The following SLC22A15 variants were observed in gnomAD, a reference collection of about 807,000 sequenced individuals.
SLC22A15 encodes flipt 1.
Under a neutral mutation model 62.7 loss-of-function variants are expected in SLC22A15, and 45 were observed. The observed-to-expected ratio is 0.72, with a 90% CI of 0.56 to 0.92. The LOEUF (loss-of-function observed/expected upper bound fraction) is 0.92. Ranked by LOEUF, SLC22A15 falls within the 40% of genes least tolerant of loss-of-function variation. The pLI is 0.00. For synonymous variants in SLC22A15, 264 were observed against 267.0 expected, an observed-to-expected ratio of 0.99 and a Z score of 0.11; for missense variants, 622 against 665.6, an observed-to-expected ratio of 0.93 and a Z score of 0.72.
chr1:116,034,347 T>C (rs981727758), intron 6 of SLC22A15, among the ~76,000 whole-genome samples: 1 of 152,192 alleles, frequency 6.6e-6, no homozygotes, highest in Admixed American at 6.5e-5. Context: ...ACTACCACCA[T>C]TACTGTGTTT....
chr1:116,026,959 G>A lies in SLC22A15; in HGVS notation c.665G>A (p.Arg222His), dbSNP rs975278467. ...TATGCCCTGTTAGGATACTTCATCCGCTCCTGGAGGACCCTAGCCATTCTG... is the reference window on the plus strand; with the variant it reads ...TATGCCCTGTTAGGATACTTCATCCACTCCTGGAGGACCCTAGCCATTCTG... The part of the protein sequence containing the change: ...AQYALLGYFI[R>H]SWRTLAILVN... Residue 222 changes from arginine to histidine, a missense_variant, in exon 5 of 12, where the codon CGC (arginine) becomes CAC (histidine). Transcript: ENST00000369503. 1.7e-5 allele frequency: 27 copies of A among 1,613,518 alleles called. No individual in the cohort carries two copies. The highest frequency in any genetic ancestry group is 1.5e-4 in the African/African-American group (11 of 74,904).
intron 1 of SLC22A15, among the ~76,000 whole-genome samples, chr1:115,983,565 G>C: frequency 6.6e-6 from 1 of 152,182 alleles, no homozygotes; most frequent in East Asian, 1.9e-4. Context: ...CTGTAAGGCT[G>C]TTGTCTTCGT....
chr1:116,066,899 A>C, intron 11 of SLC22A15, 120 bp from the exon 12 acceptor site: 1 of 965,188 alleles, frequency 1.0e-6, no homozygotes, highest in Non-Finnish European at 1.6e-6. Flanking sequence ...TTTAGGGGCT[A>C]TTTCTTGGGG....
Position 115,976,675 on chromosome 1 carries a change from C to T in SLC22A15, c.48C>T (p.Tyr16=). The T allele has an allele frequency of 6.3e-7, 1 of 1,587,708 alleles. No individual in the cohort carries two copies. Among genetic ancestry groups the T allele is most frequent in the South Asian group, 1.1e-5 (1 of 88,954 alleles). Residue 16 remains tyrosine, a synonymous_variant, in exon 1 of 12, where the codon TAC becomes TAT. Coordinates refer to ENST00000369503, the MANE Select transcript of SLC22A15 (RefSeq NM_018420.3). ...AGGCGGTGGGGGAGATGGGCATCTACCAGATGTACTTGTGCTTCCTGCTGG... is the reference window on the plus strand; with the variant it reads ...AGGCGGTGGGGGAGATGGGCATCTATCAGATGTACTTGTGCTTCCTGCTGG... ...AFQAVGEMGI[Y]QMYLCFLLAV...
intron 2 of SLC22A15, among the ~76,000 whole-genome samples, chr1:115,999,151 T>C (rs1470392088): frequency 6.6e-6 from 1 of 152,240 alleles, no homozygotes; most frequent in Non-Finnish European, 1.5e-5. Context: ...TTTGAAATGA[T>C]TTTAATATTT....
rs1334109777 is a variant in SLC22A15 at position 116,069,711 on chromosome 1, G to C, written c.*2603G>C. 6.6e-6 allele frequency: 1 copy of C among 152,110 alleles called. No homozygotes were observed. Among genetic ancestry groups the C allele is most frequent in the Non-Finnish European group, 1.5e-5 (1 of 68,000 alleles). 9.4% of individuals were successfully genotyped at this position (152,110 alleles called of 1,614,324 possible). On this transcript the variant is annotated 3_prime_UTR_variant, in exon 12 of 12. Transcript: ENST00000369503. Reference sequence around the variant, plus strand: ...TTTCAAGCAATGCAGATATTCTTTAGTATTTAAAAATGAGCAAATAAACAA... The same window carrying C: ...TTTCAAGCAATGCAGATATTCTTTACTATTTAAAAATGAGCAAATAAACAA...
At chr1:116,030,105 G>T (rs1426591494) in intron 5 of SLC22A15, among the ~76,000 whole-genome samples, 2 of 152,166 alleles carry the variant, frequency 1.3e-5, no homozygotes, top group African/African-American at 2.4e-5. Flanking sequence ...GTAAATGGAA[G>T]GATTTTTCAG....
At chr1:115,999,540 G>C (rs12135964) in intron 2 of SLC22A15, among the ~76,000 whole-genome samples, 4 of 143,004 alleles carry the variant, frequency 2.8e-5, no homozygotes, top group Non-Finnish European at 6.0e-5. Flanking sequence ...GTCTTGCTCT[G>C]TCACCCAGGC....
intron 6 of SLC22A15, 77 bp downstream of exon 6, chr1:116,031,658 C>A: frequency 6.3e-7 from 1 of 1,579,410 alleles, no homozygotes; most frequent in South Asian, 1.2e-5. Flanking sequence ...GCTCCTTCTT[C>A]AGGGTACAGG....
chr1:115,989,796 G>T (rs1395276120), intron 1 of SLC22A15, among the ~76,000 whole-genome samples: 2 of 141,308 alleles, frequency 1.4e-5, no homozygotes, highest in African/African-American at 2.6e-5. Flanking sequence ...AAAAAAAAAT[G>T]ATATGTTAAC....
chr1:115,976,547 C>A lies in SLC22A15; in HGVS notation c.-81C>A. 1 of 1,021,122 alleles carries A rather than the reference C, an allele frequency of 9.8e-7. No individual in the cohort carries two copies. The highest frequency in any genetic ancestry group is 1.4e-6 in the Non-Finnish European group (1 of 728,356). 63.3% of individuals were successfully genotyped at this position (1,021,122 alleles called of 1,614,324 possible). A position where few individuals can be genotyped will look rare whatever the true frequency, so the allele number is the denominator to read the frequency against. On this transcript the variant is annotated 5_prime_UTR_variant, in exon 1 of 12. Transcript: ENST00000369503. ...CCGGCGGGTCCAAGCCGGTGCCGGG[C>A]GCCCAGGGGTTGCCGCGCTGGGCGG...
intron 1 of SLC22A15, among the ~76,000 whole-genome samples, chr1:115,985,329 A>G (rs1461283607): frequency 6.6e-6 from 1 of 152,200 alleles, no homozygotes; most frequent in Non-Finnish European, 1.5e-5. Flanking sequence ...AGGCTATGCC[A>G]TATAGCCTAG....
intron 8 of SLC22A15, among the ~76,000 whole-genome samples, chr1:116,057,933 G>A (rs1200933573): frequency 1.3e-5 from 2 of 152,064 alleles, no homozygotes; most frequent in Non-Finnish European, 2.9e-5. Flanking sequence ...GAGAAGGATA[G>A]CATTAGGAGA....
chr1:116,026,766 T>TTC, intron 4 of SLC22A15, 127 bp from the exon 5 acceptor site: 1 of 1,064,140 alleles, frequency 9.4e-7, no homozygotes, highest in Non-Finnish European at 1.3e-6. Flanking sequence ...TTTTCTGGTG[T>TTC]GCCTCTTATA....
rs1045801106 is a variant in SLC22A15, at chr1:116,048,109, AT to A, written c.1171+10723del. ...TGTTAAATGACCAAACCAAAGAATA[AT>A]TGGTGTTCCTGAGGAAGAAGAGAAA... On this transcript the variant is annotated intron_variant, in intron 8 of 11. Transcript: ENST00000369503. Among the ~76,000 whole-genome samples, 15 of 152,174 alleles carry A rather than the reference AT, an allele frequency of 9.9e-5. 1 individual carries two copies. Among genetic ancestry groups the A allele is most frequent in the Admixed American group, 2.0e-4 (3 of 15,278 alleles).
intron 2 of SLC22A15, among the ~76,000 whole-genome samples, 190 bp from the exon 3 acceptor site, chr1:116,019,392 A>T (rs898724951): frequency 1.1e-4 from 16 of 152,252 alleles, no homozygotes; most frequent in African/African-American, 3.6e-4. Flanking sequence ...TCATAATAAT[A>T]GTGATTTCTA....
chr1:116,053,404 T>TG (rs1353607769), intron 8 of SLC22A15, among the ~76,000 whole-genome samples: 1 of 152,016 alleles, frequency 6.6e-6, no homozygotes, highest in Non-Finnish European at 1.5e-5. Context: ...TGGGACTATG[T>TG]GAAAAAACCA....
At chr1:116,032,567 A>G (rs1206410516) in intron 6 of SLC22A15, 10 of 985,322 alleles carry the variant, frequency 1.0e-5, no homozygotes, top group African/African-American at 1.7e-5. Flanking sequence ...TCTATATCAT[A>G]TACTCTTTTT....
chr1:116,031,981 G>A, intron 6 of SLC22A15: 1 of 1,063,996 alleles, frequency 9.4e-7, no homozygotes, highest in South Asian at 3.0e-5. Flanking sequence ...CTGGCATCAA[G>A]CAGTTTGCTA....
Sources: gnomAD v4.1 joint callset for allele counts (sites outside exome capture counted in the v4.1 genomes callset) on GRCh38, gnomAD v4.1.1 for gene constraint, MANE v1.5 for transcripts, NCBI Gene and HGNC (gene_info 2026-07-23, HGNC 2026-07-21) for gene names.